OTOGL: variants seen among roughly 807,000 people sequenced by gnomAD.
OTOGL encodes the protein otogelin like.
A neutral mutation model predicts 318.5 loss-of-function variants in OTOGL; 285 were observed. That is an observed-to-expected ratio of 0.89 (90% CI 0.81 to 0.99). The LOEUF is 0.99. Among genes scored for constraint, OTOGL ranks in the 50% least tolerant of loss-of-function variants. The pLI is 0.00. For synonymous variants in OTOGL, 987 were observed against 936.5 expected (o/e 1.05, Z -0.99); for missense variants, 2,899 against 2,845.6 (o/e 1.02, Z -0.43).
chr12:80,258,434 T>C (rs957444577), intron 18 of OTOGL, among the ~76,000 whole-genome samples: 1 of 152,262 alleles, frequency 6.6e-6, no homozygotes, highest in East Asian at 1.9e-4. Flanking sequence ...AAATACTCTA[T>C]AAATATTGAT....
chr12:80,341,210 C>T (rs1397072363), intron 43 of OTOGL, among the ~76,000 whole-genome samples: 1 of 152,060 alleles, frequency 6.6e-6, no homozygotes, highest in Non-Finnish European at 1.5e-5. Flanking sequence ...AGAGTAAGCT[C>T]ATCCTCAGTT....
At chr12:80,303,469 A>C (rs1013667417) in intron 28 of OTOGL, among the ~76,000 whole-genome samples, 1 of 152,228 alleles carries the variant, frequency 6.6e-6, no homozygotes, top group African/African-American at 2.4e-5. Context: ...ATTATTTTTT[A>C]AATGTAAAAA....
intron 44 of OTOGL, among the ~76,000 whole-genome samples, chr12:80,349,905 T>A (rs1251570960): frequency 6.6e-6 from 1 of 152,252 alleles, no homozygotes; most frequent in Non-Finnish European, 1.5e-5. Context: ...AATCAACAAA[T>A]GCATTACCTC....
At chr12:80,330,192 A>G (rs1887982872) in intron 37 of OTOGL, among the ~76,000 whole-genome samples, 1 of 152,196 alleles carries the variant, frequency 6.6e-6, no homozygotes, top group Non-Finnish European at 1.5e-5. Flanking sequence ...ATGGTAAGAA[A>G]CAGGATTTTT....
At chr12:80,120,143 A>G (rs968938569) in intron 1 of OTOGL, among the ~76,000 whole-genome samples, 4 of 151,948 alleles carry the variant, frequency 2.6e-5, no homozygotes, top group Non-Finnish European at 4.4e-5. Context: ...TTATTTCACC[A>G]CAACATTTGG....
At chr12:80,216,147 T>A (rs1434413123) in intron 4 of OTOGL, among the ~76,000 whole-genome samples, 1 of 152,076 alleles carries the variant, frequency 6.6e-6, no homozygotes, top group African/African-American at 2.4e-5. Context: ...AGACCCCATC[T>A]CTTAAAAAAA....
Position 80,271,774 on chromosome 12 carries a change from C to T in OTOGL, c.2645C>T (p.Ser882Phe). The change falls in exon 24 of 59, where the codon TCC becomes TTC. Residue 882 changes from serine to phenylalanine, a missense_variant. Around this residue, in one of 3 missense-constraint regions of OTOGL, gnomAD observed 2,607 missense variants for 2,524.9 expected, o/e 1.03. Coordinates refer to ENST00000547103, the MANE Select transcript of OTOGL (RefSeq NM_001378609.3). ...GCCATGAACTTCACCTGCACCCCAT[C>T]CTCACCCTGTATAAGTGGCTGTGTT... ...NLAMNFTCTP[S>F]SPCISGCVCA... 1.2e-6 allele frequency: 2 copies of T among 1,613,100 alleles called. No homozygotes were observed. Among genetic ancestry groups the T allele is most frequent in the Non-Finnish European group, 1.7e-6 (2 of 1,179,380 alleles).
chr12:80,239,000 T>C, intron 10 of OTOGL, 22 bp downstream of exon 10: 2 of 1,588,696 alleles, frequency 1.3e-6, no homozygotes, highest in Non-Finnish European at 1.7e-6. Context: ...GTGAGAAATG[T>C]GGGCATGTCA....
chr12:80,217,107 A>C lies in OTOGL; in HGVS notation c.169-491A>C, dbSNP rs539521017. 8.3e-4 allele frequency among the ~76,000 whole-genome samples: 126 copies of C among 152,192 alleles called. 1 individual carries two copies. The highest frequency in any genetic ancestry group is 2.6e-3 in the African/African-American group (110 of 41,542). The stretch of plus-strand genomic sequence containing the variant: ...ACCGATTGGTGTGCAGGCAGGCAGG[A>C]CATCACCATCTGTTGGTCTGTCAGC... On this transcript the variant is annotated intron_variant, in intron 4 of 58. Transcript: ENST00000547103.
chr12:80,117,826 C>A (rs1308713825), intron 1 of OTOGL, among the ~76,000 whole-genome samples: 1 of 152,174 alleles, frequency 6.6e-6, no homozygotes, highest in Non-Finnish European at 1.5e-5. Flanking sequence ...AACTTTATTT[C>A]TTGTTCATAT....
rs569871193 is a variant in OTOGL, at chr12:80,376,496, T to G, written c.6782-627T>G. On this transcript the variant is annotated intron_variant, in intron 57 of 58. Coordinates refer to ENST00000547103, the MANE Select transcript of OTOGL (RefSeq NM_001378609.3). The stretch of plus-strand genomic sequence containing the variant: ...CATGTAATAGCACGTGATAATCCAT[T>G]ACACACACAGACACATATTAAGATA... 1.0e-3 allele frequency among the ~76,000 whole-genome samples: 158 copies of G among 152,246 alleles called. 1 individual carries two copies. The highest frequency in any genetic ancestry group is 1.9e-3 in the Non-Finnish European group (131 of 68,002).
intron 48 of OTOGL, 69 bp from the exon 49 acceptor site, chr12:80,356,738 G>A: frequency 1.2e-6 from 1 of 861,496 alleles, no homozygotes; most frequent in African/African-American, 1.8e-5. Context: ...TAAATTCAAA[G>A]AGAGGTAAAC....
intron 1 of OTOGL, among the ~76,000 whole-genome samples, chr12:80,109,588 A>G (rs1771708909): frequency 6.6e-6 from 1 of 152,188 alleles, no homozygotes. Flanking sequence ...GGGACACAGA[A>G]CACTTTAACA....
intron 30 of OTOGL, among the ~76,000 whole-genome samples, chr12:80,312,061 A>G (rs1886667458): frequency 6.6e-6 from 1 of 152,254 alleles, no homozygotes; most frequent in Non-Finnish European, 1.5e-5. Flanking sequence ...ATAGCAAAAT[A>G]TAAAGTTAAT....
At chr12:80,289,535 G>C (rs1347095604) in intron 26 of OTOGL, among the ~76,000 whole-genome samples, 1 of 152,200 alleles carries the variant, frequency 6.6e-6, no homozygotes, top group Non-Finnish European at 1.5e-5. Flanking sequence ...AGGGAGATGG[G>C]AGTTTTGTCT....
chr12:80,341,927 A>C (rs578244222), intron 43 of OTOGL, 21 bp from the exon 44 acceptor site: 1 of 1,531,036 alleles, frequency 6.5e-7, no homozygotes, highest in South Asian at 1.2e-5. Flanking sequence ...TTTTCTTCTA[A>C]CTGTCATATA....
chr12:80,124,370 G>C (rs1389093355), intron 1 of OTOGL, among the ~76,000 whole-genome samples: 1 of 152,098 alleles, frequency 6.6e-6, no homozygotes, highest in African/African-American at 2.4e-5. Flanking sequence ...TTAATTCTGA[G>C]GGCTCTGTTC....
At chr12:80,322,463 C>A (rs544092178) in intron 34 of OTOGL, among the ~76,000 whole-genome samples, 6 of 152,238 alleles carry the variant, frequency 3.9e-5, no homozygotes, top group African/African-American at 1.2e-4. Flanking sequence ...TGGAACCAGT[C>A]CTCTTTCAGG....
chr12:80,156,805 TG>T (rs1409097648), intron 1 of OTOGL, among the ~76,000 whole-genome samples: 1 of 152,104 alleles, frequency 6.6e-6, no homozygotes, highest in Non-Finnish European at 1.5e-5. Context: ...TGCCCAGTCT[TG>T]GGTATGTCTT....
Sources: gnomAD v4.1 joint callset for allele counts (sites outside exome capture counted in the v4.1 genomes callset) on GRCh38, gnomAD v4.1.1 for gene constraint, gnomAD v4.1.1 regional missense constraint, MANE v1.5 for transcripts, NCBI Gene and HGNC (gene_info 2026-07-23, HGNC 2026-07-21) for gene names.